The following NOL4 variants were observed in gnomAD, a reference collection of about 807,000 sequenced individuals.
NOL4 encodes cancer/testis antigen 125.
NOL4 carries 17 observed loss-of-function variants against 75.9 expected under a neutral mutation model. That is an observed-to-expected ratio of 0.22 (90% CI 0.15 to 0.34). NOL4 has a LOEUF of 0.34. Among genes scored for constraint, NOL4 ranks in the 10% least tolerant of loss-of-function variants. The pLI is 1.00. For synonymous variants in NOL4, 292 were observed against 289.9 expected, an observed-to-expected ratio of 1.01 and a Z score of -0.07; for missense variants, 614 against 793.5, an observed-to-expected ratio of 0.77 and a Z score of 2.72.
intron 1 of NOL4, among the ~76,000 whole-genome samples, chr18:34,196,658 G>A (rs375272779): frequency 5.3e-5 from 8 of 151,918 alleles, no homozygotes; most frequent in African/African-American, 1.9e-4. Flanking sequence ...TCCATGCAAT[G>A]GAAAGATTAC....
rs566714322 is a variant in NOL4, at chr18:33,867,763, A to T, written c.1724-14728T>A. Among the ~76,000 whole-genome samples, 4 of 152,176 alleles carry T rather than the reference A, an allele frequency of 2.6e-5. No homozygotes were observed. In the South Asian group the frequency reaches 6.2e-4, roughly 24 times the overall value. On this transcript the variant is annotated intron_variant, in intron 10 of 10. Transcript: ENST00000261592. Reference sequence around the variant, plus strand: ...TCTGTAGTCAGCAAGCTAGAGATCCAGAAGGGCCAGTTGTGTAGTTCCAGT... The same window carrying T: ...TCTGTAGTCAGCAAGCTAGAGATCCTGAAGGGCCAGTTGTGTAGTTCCAGT...
chr18:33,987,028 T>C (rs1009349570), intron 6 of NOL4, among the ~76,000 whole-genome samples: 1 of 152,104 alleles, frequency 6.6e-6, no homozygotes, highest in South Asian at 2.1e-4. Context: ...GGGGCAGGCA[T>C]GTACTCCAGA....
chr18:34,199,471 G>C (rs2035581318), intron 1 of NOL4, among the ~76,000 whole-genome samples: 1 of 151,794 alleles, frequency 6.6e-6, no homozygotes, highest in African/African-American at 2.4e-5. Context: ...ACACAAATAA[G>C]TAAACAAACA....
chr18:33,904,558 A>T (rs67881448), intron 9 of NOL4, among the ~76,000 whole-genome samples: 1 of 152,044 alleles, frequency 6.6e-6, no homozygotes, highest in Non-Finnish European at 1.5e-5. Flanking sequence ...TGTGGCAATA[A>T]GATACCAAAT....
Position 33,962,278 on chromosome 18 carries a change from G to C in NOL4, c.1057-3860C>G, listed in dbSNP as rs572319172. Among the ~76,000 whole-genome samples, 11 of 152,286 alleles carry C rather than the reference G, an allele frequency of 7.2e-5. No individual in the cohort carries two copies. The East Asian group carries it at 2.1e-3, about 29-fold the overall frequency. Reference sequence around the variant, plus strand: ...TTAAATTTGAGTTTCAGTCACCTGAGATTGAATCTGGAGTGGCACAGCCAC... The same window carrying C: ...TTAAATTTGAGTTTCAGTCACCTGACATTGAATCTGGAGTGGCACAGCCAC... On this transcript the variant is annotated intron_variant, in intron 6 of 10. Transcript: ENST00000261592.
At chr18:34,081,924 G>A (rs1014757782) in intron 5 of NOL4, among the ~76,000 whole-genome samples, 1 of 152,120 alleles carries the variant, frequency 6.6e-6, no homozygotes, top group African/African-American at 2.4e-5. Context: ...TCCTGTTTTA[G>A]AGAGCTAGAC....
intron 5 of NOL4, among the ~76,000 whole-genome samples, chr18:34,072,633 CTG>C (rs1180003749): frequency 6.6e-6 from 1 of 152,158 alleles, no homozygotes; most frequent in East Asian, 1.9e-4. Context: ...CACAAAACAA[CTG>C]TGTAATACCT....
intron 9 of NOL4, among the ~76,000 whole-genome samples, chr18:33,900,297 A>G (rs897221231): frequency 1.3e-5 from 2 of 152,094 alleles, no homozygotes; most frequent in Admixed American, 1.3e-4. Flanking sequence ...CATTACTGTG[A>G]GGACAGCACT....
chr18:34,203,709 T>TCA (rs1451715449), intron 1 of NOL4, among the ~76,000 whole-genome samples: 11 of 102,996 alleles, frequency 1.1e-4, no homozygotes, highest in African/African-American at 3.6e-4. Flanking sequence ...TCTCTCTCTC[T>TCA]CTCTCTCTCA....
Position 33,944,347 on chromosome 18 carries a change from T to C in NOL4, c.1429-1169A>G, listed in dbSNP as rs946867613. Among the ~76,000 whole-genome samples, 7 of 152,000 alleles carry C rather than the reference T, an allele frequency of 4.6e-5. No individual in the cohort carries two copies. In the East Asian group the frequency reaches 1.2e-3, roughly 25 times the overall value. On this transcript the variant is annotated intron_variant, in intron 8 of 10. Transcript: ENST00000261592. Reference sequence around the variant, plus strand: ...CAGCAAATTGAACACAGGGCTTACATCTCAAATAATATTCTAGAACAGCTA... The same window carrying C: ...CAGCAAATTGAACACAGGGCTTACACCTCAAATAATATTCTAGAACAGCTA...
chr18:34,067,119 T>C (rs1465399914), intron 5 of NOL4, among the ~76,000 whole-genome samples: 1 of 152,014 alleles, frequency 6.6e-6, no homozygotes, highest in Non-Finnish European at 1.5e-5. Flanking sequence ...ATAGAGAACA[T>C]AAAATGGAGG....
At chr18:33,870,252 AG>A (rs1417775091) in intron 10 of NOL4, among the ~76,000 whole-genome samples, 1 of 152,050 alleles carries the variant, frequency 6.6e-6, no homozygotes. Flanking sequence ...ACAAAAAGAC[AG>A]ATGCTGCATG....
chr18:34,144,608 A>G (rs887052531), intron 1 of NOL4, among the ~76,000 whole-genome samples: 35 of 152,096 alleles, frequency 2.3e-4, no homozygotes, highest in Admixed American at 8.5e-4. Flanking sequence ...TTGTTGTATT[A>G]TATTAACACA....
chr18:33,876,962 C>A (rs2063964679), intron 10 of NOL4, among the ~76,000 whole-genome samples: 1 of 152,030 alleles, frequency 6.6e-6, no homozygotes, highest in Non-Finnish European at 1.5e-5. Context: ...ATACACTAGA[C>A]AAATTCTCTT....
intron 6 of NOL4, among the ~76,000 whole-genome samples, chr18:34,009,183 C>T (rs2074232723): frequency 6.6e-6 from 1 of 151,704 alleles, no homozygotes; most frequent in Non-Finnish European, 1.5e-5. Context: ...GATAAGACAT[C>T]CTAGAATCTA....
At chr18:33,872,790 C>T (rs528977550) in intron 10 of NOL4, among the ~76,000 whole-genome samples, 48 of 151,936 alleles carry the variant, frequency 3.2e-4, no homozygotes, top group Admixed American at 4.6e-4. Context: ...TGTTAGATGG[C>T]ACAGGCCTAC....
intron 9 of NOL4, among the ~76,000 whole-genome samples, chr18:33,938,593 C>A (rs1413396413): frequency 6.6e-6 from 1 of 152,130 alleles, no homozygotes; most frequent in East Asian, 1.9e-4. Flanking sequence ...TGAGAAGCGT[C>A]TGTTCATATC....
chr18:33,974,158 C>T (rs2145905630), intron 6 of NOL4, among the ~76,000 whole-genome samples: 1 of 152,156 alleles, frequency 6.6e-6, no homozygotes, highest in Non-Finnish European at 1.5e-5. Flanking sequence ...GCATTCGTTG[C>T]TTTACCTTGC....
rs537235110 is a variant in NOL4, at chr18:34,112,378, A to T, written c.415-7218T>A. Among the ~76,000 whole-genome samples the T allele has an allele frequency of 3.5e-4, 54 of 152,208 alleles. 1 individual carries two copies. The South Asian group carries it at 6.8e-3, about 19-fold the overall frequency. ...AGTGAGACTGTCCCCCCCCAAAAAA[A>T]AAAGATATGGGGACAATATAAGTGT... On this transcript the variant is annotated intron_variant, in intron 2 of 10. Coordinates refer to ENST00000261592, the MANE Select transcript of NOL4 (RefSeq NM_003787.5).
Sources: allele counts gnomAD v4.1 joint callset (sites outside exome capture counted in the v4.1 genomes callset), GRCh38; gene constraint gnomAD v4.1.1; transcripts MANE v1.5; gene names NCBI Gene and HGNC (gene_info 2026-07-23, HGNC 2026-07-21).